The following ADGRG1 variants were observed in gnomAD, a reference collection of about 807,000 sequenced individuals.
ADGRG1 encodes adhesion G protein-coupled receptor G1, also known as 7-transmembrane protein with no EGF-like N-terminal domains-1.
ADGRG1 carries 53 observed loss-of-function variants against 73.5 expected under a neutral mutation model. The observed-to-expected ratio is 0.72, with a 90% CI of 0.58 to 0.91. ADGRG1 has a LOEUF of 0.91. Among genes scored for constraint, ADGRG1 ranks in the 40% least tolerant of loss-of-function variants. The pLI is 0.00. For synonymous variants in ADGRG1, 394 were observed against 374.4 expected (o/e 1.05, Z -0.60); for missense variants, 795 against 871.8 (o/e 0.91, Z 1.11).
intron 10 of ADGRG1, 149 bp from the exon 11 acceptor site, chr16:57,659,264 G>T: frequency 2.6e-6 from 4 of 1,509,670 alleles, no homozygotes; most frequent in Non-Finnish European, 1.8e-6. Flanking sequence ...CAGTTTGGCT[G>T]CAGCCACAGG....
chr16:57,626,917 T>G (rs1176350026), upstream of ADGRG1: 1 of 985,302 alleles, frequency 1.0e-6, no homozygotes, highest in Non-Finnish European at 1.2e-6. Flanking sequence ...GCCCCCAGTG[T>G]AGGCTGGCCT....
exon 1 of ADGRG1, chr16:57,620,865 A>G (rs1236048007): frequency 1.3e-5 from 2 of 152,244 alleles, no homozygotes; most frequent in African/African-American, 4.8e-5. Flanking sequence ...GTCGTGGAAG[A>G]AAGGGCCCGG....
At chr16:57,631,333 T>C in intron 1 of ADGRG1, 1 of 985,548 alleles carries the variant, frequency 1.0e-6, no homozygotes, top group Non-Finnish European at 1.2e-6. Context: ...CGGACTGGGA[T>C]GCGGGTTCCG....
chr16:57,628,426 C>A, upstream of ADGRG1: 1 of 738,318 alleles, frequency 1.4e-6, no homozygotes, highest in Non-Finnish European at 1.7e-6. Context: ...GAGGTGCCCC[C>A]TTGCCCGGCG....
At chr16:57,623,379 G>T (rs988728642), upstream of ADGRG1, among the ~76,000 whole-genome samples, 6 of 152,224 alleles carry the variant, frequency 3.9e-5, no homozygotes, top group Admixed American at 2.6e-4. Flanking sequence ...CAGGGCACCT[G>T]CCGAGGCTCC....
intron 3 of ADGRG1, chr16:57,652,074 G>A: frequency 9.5e-7 from 1 of 1,048,386 alleles, no homozygotes; most frequent in Non-Finnish European, 1.2e-6. Context: ...GCCCAAAGCT[G>A]CACAGCTAGC....
chr16:57,637,548 C>G (rs1310233206), intron 1 of ADGRG1: 1 of 985,304 alleles, frequency 1.0e-6, no homozygotes, highest in Admixed American at 6.1e-5. Context: ...CCGCCTTCTC[C>G]GGCCAGCAAG....
At chr16:57,663,325 G>A (rs1003424443) in intron 13 of ADGRG1, 127 bp from the exon 14 acceptor site, 29 of 1,536,246 alleles carry the variant, frequency 1.9e-5, no homozygotes, top group East Asian at 7.3e-5. Context: ...ATGGGTGCCC[G>A]ACAGCACGTG....
At chr16:57,634,658 A>C in intron 1 of ADGRG1, 1 of 199,158 alleles carries the variant, frequency 5.0e-6, no homozygotes, top group Non-Finnish European at 9.0e-6. Context: ...GGCCATTCCC[A>C]TGATAGGTAG....
At chr16:57,635,786 G>A (rs1213172073) in intron 1 of ADGRG1, 1 of 985,304 alleles carries the variant, frequency 1.0e-6, no homozygotes, top group African/African-American at 1.7e-5. Flanking sequence ...GGAAAGGAGT[G>A]CACCATGCTC....
intron 1 of ADGRG1, among the ~76,000 whole-genome samples, chr16:57,632,491 G>A (rs1049575574): frequency 7.9e-5 from 12 of 152,196 alleles, no homozygotes; most frequent in African/African-American, 2.9e-4. Flanking sequence ...GGAATGTTAA[G>A]CCTTTTTTTA....
intron 2 of ADGRG1, chr16:57,621,489 G>A (rs2034803969): frequency 1.3e-5 from 2 of 152,020 alleles, no homozygotes; most frequent in African/African-American, 2.4e-5. Flanking sequence ...CACTGATGGG[G>A]TGTGTATGGG....
chr16:57,635,087 G>T, intron 1 of ADGRG1: 3 of 985,330 alleles, frequency 3.0e-6, no homozygotes, highest in South Asian at 4.7e-5. Flanking sequence ...GCTGAGGGAG[G>T]TCAGGAGGGC....
chr16:57,641,186 G>A, intron 1 of ADGRG1: 1 of 808,066 alleles, frequency 1.2e-6, no homozygotes, highest in South Asian at 5.6e-5. Context: ...GAGAAAATAA[G>A]GCCCAGAGAA....
At chr16:57,625,730 TAC>T, upstream of ADGRG1, 1 of 863,552 alleles carries the variant, frequency 1.2e-6, no homozygotes, top group Non-Finnish European at 1.4e-6. Context: ...GGCCTCTCCC[TAC>T]CCAAACATCT....
At chr16:57,621,915 G>C in intron 2 of ADGRG1, 1 of 974,350 alleles carries the variant, frequency 1.0e-6, no homozygotes, top group Non-Finnish European at 1.2e-6. Flanking sequence ...TTCTACAGAG[G>C]AGTCAGAGGC....
chr16:57,648,740 G>T (rs1347694814), intron 1 of ADGRG1: 6 of 980,692 alleles, frequency 6.1e-6, no homozygotes, highest in Non-Finnish European at 7.3e-6. Flanking sequence ...GCCGCGCCAC[G>T]CAGGATGAGG....
chr16:57,660,438 C>T, intron 11 of ADGRG1: 2 of 956,192 alleles, frequency 2.1e-6, no homozygotes, highest in Non-Finnish European at 2.5e-6. Flanking sequence ...AGAACTCTTG[C>T]CGTCCCTCCT....
intron 1 of ADGRG1, chr16:57,643,585 T>C (rs1259717865): frequency 1.0e-6 from 1 of 984,730 alleles, no homozygotes; most frequent in Non-Finnish European, 1.2e-6. Context: ...CCAGCAGGTC[T>C]GGTGTAAGAG....
Sources: allele counts gnomAD v4.1 joint callset (sites outside exome capture counted in the v4.1 genomes callset), GRCh38; gene constraint gnomAD v4.1.1; transcripts MANE v1.5; gene names NCBI Gene and HGNC (gene_info 2026-07-23, HGNC 2026-07-21).